Variants in PLB1 observed in about 807,000 individuals in gnomAD.
The protein encoded by PLB1 is phospholipase B1, membrane-associated.
Under a neutral mutation model 227.4 loss-of-function variants are expected in PLB1, and 242 were observed. The ratio of observed to expected loss-of-function variants is 1.06; its 90% CI spans 0.96 to 1.18. The LOEUF is 1.18. Among genes scored for constraint, PLB1 ranks in the 50% most tolerant of loss-of-function variants. The pLI, the probability that PLB1 is intolerant of heterozygous loss-of-function variation, is 0.00. For synonymous variants in PLB1, 757 were observed against 682.2 expected, an observed-to-expected ratio of 1.11 and a Z score of -1.71; for missense variants, 1,858 against 1,816.3, an observed-to-expected ratio of 1.02 and a Z score of -0.42.
intron 23 of PLB1, 25 bp downstream of exon 23, chr2:28,579,732 A>G: frequency 6.3e-7 from 1 of 1,586,108 alleles, no homozygotes; most frequent in South Asian, 1.1e-5. Context: ...ACTTTACTCA[A>G]GACTCACCCC....
intron 56 of PLB1, among the ~76,000 whole-genome samples, chr2:28,635,535 T>TA (rs1553467479): frequency 7.7e-5 from 10 of 129,486 alleles, no homozygotes; most frequent in Non-Finnish European, 7.5e-5. Context: ...TAAGCACATA[T>TA]ATACCCGGTG....
At chr2:28,625,927 AAAC>A (rs1558948217) in intron 50 of PLB1, among the ~76,000 whole-genome samples, 1 of 151,810 alleles carries the variant, frequency 6.6e-6, no homozygotes, top group Non-Finnish European at 1.5e-5. Flanking sequence ...CAAAAAAAAA[AAAC>A]ATCCTCTCTG....
intron 25 of PLB1, 51 bp from the exon 26 acceptor site, chr2:28,585,710 C>G (rs1292112371): frequency 7.8e-6 from 11 of 1,406,560 alleles, no homozygotes; most frequent in Non-Finnish European, 1.0e-5. Flanking sequence ...ATCACTTATT[C>G]AGGATGGTGA....
rs762934543 is a variant in PLB1 at position 28,640,927 on chromosome 2, C to T, written c.4099C>T (p.Leu1367=). The T allele has an allele frequency of 1.9e-6, 3 of 1,613,312 alleles. No homozygotes were observed. In the South Asian group the frequency reaches 3.3e-5, roughly 18 times the overall value. Residue 1367 remains leucine (L), a splice_region_variant and synonymous_variant, in exon 57 of 58, where the codon CTG becomes TTG. Transcript: ENST00000327757. ...CGAGGTGTCCTTTCTCTCTCTCCAG[C>T]TGGAACCAGTGGGCCGCAAGACTAC... ...EMAIALWNNM[L]EPVGRKTTSN... is the part of the protein sequence containing the mutation.
intron 35 of PLB1, among the ~76,000 whole-genome samples, chr2:28,600,155 C>T (rs1252058604): frequency 6.6e-6 from 1 of 152,160 alleles, no homozygotes; most frequent in African/African-American, 2.4e-5. Context: ...AGCAATCCAC[C>T]CACCTCAGCC....
chr2:28,510,999 A>G (rs1416817675), intron 1 of PLB1, among the ~76,000 whole-genome samples: 1 of 152,136 alleles, frequency 6.6e-6, no homozygotes, highest in Non-Finnish European at 1.5e-5. Flanking sequence ...CATCCTGCCC[A>G]ACACTAGCTT....
At chr2:28,577,948 G>C (rs1679262729) in intron 21 of PLB1, among the ~76,000 whole-genome samples, 159 bp from the exon 22 acceptor site, 1 of 152,260 alleles carries the variant, frequency 6.6e-6, no homozygotes, top group Admixed American at 6.5e-5. Flanking sequence ...AGTGGAGCCT[G>C]AATGGGGAAG....
Position 28,606,532 on chromosome 2 carries a change from C to T in PLB1, c.3094C>T (p.Leu1032=). The T allele has an allele frequency of 6.2e-7, 1 of 1,614,236 alleles. No individual in the cohort carries two copies. The highest frequency in any genetic ancestry group is 8.5e-7 in the Non-Finnish European group (1 of 1,180,040). ...TGGAAGCAAAACAGAGACCCTGGAC[C>T]TGAGAGCAGAGATGCCCATCACCTG... ...PLGSKTETLD[L]RAEMPITCPT... is the part of the protein sequence containing the mutation. The change falls in exon 43 of 58, where the codon CTG becomes TTG. Residue 1032 remains leucine, a synonymous_variant. Transcript: ENST00000327757.
At chr2:28,627,942 G>A (rs1355065569) in intron 51 of PLB1, among the ~76,000 whole-genome samples, 1 of 152,104 alleles carries the variant, frequency 6.6e-6, no homozygotes, top group African/African-American at 2.4e-5. Context: ...TAAAAATAGA[G>A]GCCCATCTCC....
intron 46 of PLB1, 53 bp downstream of exon 46, chr2:28,618,452 T>C (rs1686508785): frequency 6.4e-6 from 10 of 1,564,446 alleles, no homozygotes; most frequent in Non-Finnish European, 8.8e-6. Context: ...AGCCAGGCCC[T>C]GCGCAGAATC....
At chr2:28,620,360 T>C (rs1686858424) in intron 47 of PLB1, 28 bp downstream of exon 47, 1 of 1,559,762 alleles carries the variant, frequency 6.4e-7, no homozygotes, top group East Asian at 2.3e-5. Flanking sequence ...GCATGCTCTA[T>C]TGATGATGCT....
intron 1 of PLB1, among the ~76,000 whole-genome samples, chr2:28,511,078 G>A (rs1051403066): frequency 4.6e-5 from 7 of 152,146 alleles, no homozygotes; most frequent in Non-Finnish European, 7.4e-5. Flanking sequence ...ACTTATTAAA[G>A]TCTAATATAA....
At chr2:28,610,235 G>A (rs762654137) in intron 43 of PLB1, among the ~76,000 whole-genome samples, 1 of 152,064 alleles carries the variant, frequency 6.6e-6, no homozygotes, top group South Asian at 2.1e-4. Flanking sequence ...CATGCATTAG[G>A]TATTTGTCCT....
chr2:28,591,300 T>C, intron 30 of PLB1, 129 bp downstream of exon 30: 1 of 1,150,524 alleles, frequency 8.7e-7, no homozygotes. Context: ...GCCACCCACC[T>C]GACCTTCAGA....
intron 33 of PLB1, among the ~76,000 whole-genome samples, 154 bp from the exon 34 acceptor site, chr2:28,597,851 C>T (rs900425859): frequency 6.6e-6 from 1 of 152,202 alleles, no homozygotes; most frequent in South Asian, 2.1e-4. Flanking sequence ...TAAAAATTTT[C>T]TCAGAATTCC....
chr2:28,598,735 C>T lies in PLB1; in HGVS notation c.2449C>T (p.Gln817Ter). Residue 817 changes from glutamine (Q) to a stop codon, truncating the protein, a stop_gained, in exon 35 of 58, where the codon CAA becomes TAA. Coordinates refer to ENST00000327757, the MANE Select transcript of PLB1 (RefSeq NM_153021.5). LOFTEE classifies it high-confidence loss of function. ...DANDTNAFLNQAVPGAKAEDL... is the reference protein window; with the variant it reads ...DANDTNAFLN ...CAATGACACGAATGCATTCCTCAAT[C>T]AAGCTGTTCCCGGAGCAAAGGCTGA... 1 of 1,614,158 alleles carries T rather than the reference C, an allele frequency of 6.2e-7. No homozygotes were observed.
chr2:28,543,932 C>T (rs1052145626), intron 14 of PLB1, among the ~76,000 whole-genome samples: 7 of 152,222 alleles, frequency 4.6e-5, no homozygotes, highest in Admixed American at 1.3e-4. Flanking sequence ...TGGAATGTGG[C>T]GTCGACGTCG....
intron 31 of PLB1, 148 bp downstream of exon 31, chr2:28,591,908 C>A: frequency 2.6e-6 from 2 of 768,216 alleles, no homozygotes; most frequent in Admixed American, 2.3e-5. Context: ...TGGGATGAGT[C>A]CCTGTTTCGC....
At chr2:28,641,136 C>T in intron 57 of PLB1, 135 bp downstream of exon 57, 1 of 796,858 alleles carries the variant, frequency 1.3e-6, no homozygotes, top group Non-Finnish European at 2.0e-6. Context: ...TTCTCAAATC[C>T]CACCTGTCCC....
Sources: allele counts gnomAD v4.1 joint callset (sites outside exome capture counted in the v4.1 genomes callset), GRCh38; gene constraint gnomAD v4.1.1; transcripts MANE v1.5; gene names NCBI Gene and HGNC (gene_info 2026-07-23, HGNC 2026-07-21).